The following RASIP1 variants were observed in gnomAD, a reference collection of about 807,000 sequenced individuals.
The protein encoded by RASIP1 is Ras interacting protein 1, also known as ras-interacting protein 1.
Under a neutral mutation model 85.3 loss-of-function variants are expected in RASIP1, and 20 were observed. That is an observed-to-expected ratio of 0.23 (90% CI 0.17 to 0.34). The LOEUF is 0.34. Ranked by LOEUF, RASIP1 falls within the 10% of genes least tolerant of loss-of-function variation. RASIP1 has a pLI of 1.00. For synonymous variants in RASIP1, 617 were observed against 647.1 expected, an observed-to-expected ratio of 0.95 and a Z score of 0.71; for missense variants, 1,170 against 1,390.9, an observed-to-expected ratio of 0.84 and a Z score of 2.53.
At chr19:48,730,891 A>G (rs1032204935) in intron 4 of RASIP1, among the ~76,000 whole-genome samples, 3 of 151,996 alleles carry the variant, frequency 2.0e-5, no homozygotes, top group Non-Finnish European at 4.4e-5. Flanking sequence ...GTGGCGCATG[A>G]CTGTAGTCCC....
intron 4 of RASIP1, among the ~76,000 whole-genome samples, chr19:48,731,367 G>C (rs62132778): frequency 0.11 from 16,412 of 150,740 alleles, 1,002 homozygotes; most frequent in East Asian, 0.2. Context: ...CTCCCCCAAC[G>C]GAGGATTTCA....
intron 4 of RASIP1, among the ~76,000 whole-genome samples, chr19:48,732,010 T>C (rs990127094): frequency 2.0e-5 from 3 of 152,160 alleles, no homozygotes; most frequent in African/African-American, 7.2e-5. Context: ...ATTCACCTGG[T>C]ATTCCTGCCT....
rs774287521 is a variant in RASIP1 at position 48,729,604 on chromosome 19, G to A, written c.1180-14C>T. Reference sequence around the variant, plus strand: ...CACCACAAAGTCCTGGAGGGGAAACGAGGATGCACTAAGGACATCACTTCA... The same window carrying A: ...CACCACAAAGTCCTGGAGGGGAAACAAGGATGCACTAAGGACATCACTTCA... On this transcript the variant is annotated splice_polypyrimidine_tract_variant and intron_variant, in intron 4 of 11. Transcript: ENST00000222145. 1.8e-4 allele frequency: 285 copies of A among 1,577,904 alleles called. No individual in the cohort carries two copies. The highest frequency in any genetic ancestry group is 2.3e-4 in the Non-Finnish European group (263 of 1,161,268).
At chr19:48,723,484 C>T (rs1235913752) in intron 10 of RASIP1, among the ~76,000 whole-genome samples, 8 of 144,260 alleles carry the variant, frequency 5.5e-5, no homozygotes, top group African/African-American at 1.8e-4. Context: ...CGCTTGAACT[C>T]GGGAGGCGGA....
rs763278538 is a variant in RASIP1, at chr19:48,724,469, T to C, written c.2412A>G (p.Gln804=). The part of the protein sequence containing the change: ...RPFYQWSRAV[Q]IRTNLDLVLD... ...AGACGAGGTCCAGGTTGGTTCGGAT[T>C]TGAACAGCTCGGGACCATTGATAGA... is the stretch of plus-strand genomic sequence containing the variant. The change falls in exon 10 of 12, where the codon CAA becomes CAG. Residue 804 remains glutamine, a synonymous_variant. Coordinates refer to ENST00000222145, the MANE Select transcript of RASIP1 (RefSeq NM_017805.3). The surrounding 1 kb of genome is among the most constrained non-coding windows in gnomAD (Gnocchi z 4.6). 20 of 1,614,028 alleles carry C rather than the reference T, an allele frequency of 1.2e-5. No homozygotes were observed. Among genetic ancestry groups the C allele is most frequent in the Non-Finnish European group, 1.7e-5 (20 of 1,180,024 alleles).
intron 10 of RASIP1, 111 bp from the exon 11 acceptor site, chr19:48,722,112 T>G: frequency 1.8e-6 from 2 of 1,090,116 alleles, no homozygotes; most frequent in Non-Finnish European, 2.5e-6. Flanking sequence ...ATGGCATCTC[T>G]GCAGTGTCTT....
intron 4 of RASIP1, among the ~76,000 whole-genome samples, chr19:48,733,163 T>G (rs1353657016): frequency 6.6e-6 from 1 of 152,198 alleles, no homozygotes; most frequent in African/African-American, 2.4e-5. Flanking sequence ...TAGCTGAGAC[T>G]ACAGATAGGT....
At chr19:48,722,040 G>A (rs939032244) in intron 10 of RASIP1, 39 bp from the exon 11 acceptor site, 6 of 1,358,900 alleles carry the variant, frequency 4.4e-6, no homozygotes, top group Non-Finnish European at 4.9e-6. Context: ...TGGTCATTAC[G>A]GGGCAGTTAA....
chr19:48,735,358 C>T lies in RASIP1; in HGVS notation c.1017G>A (p.Gln339=), dbSNP rs1462645101. ...ELSLQGRRRR[Q]QERRQQALSM... Reference sequence around the variant, plus strand: ...TAAGTGCCTGCTGTCTCCGCTCCTGCTGCCGCCGCCGCCGCCCCTGAAGGC... The same window carrying T: ...TAAGTGCCTGCTGTCTCCGCTCCTGTTGCCGCCGCCGCCGCCCCTGAAGGC... Residue 339 remains glutamine (Q), a synonymous_variant, in exon 4 of 12, where the codon CAG becomes CAA. Transcript: ENST00000222145. 1 of 1,612,690 alleles carries T rather than the reference C, an allele frequency of 6.2e-7. No individual in the cohort carries two copies. The highest frequency in any genetic ancestry group is 1.1e-5 in the South Asian group (1 of 91,052).
chr19:48,729,467 G>A lies in RASIP1; in HGVS notation c.1303C>T (p.Pro435Ser). 6.3e-7 allele frequency: 1 copy of A among 1,575,588 alleles called. No homozygotes were observed. Among genetic ancestry groups the A allele is most frequent in the African/African-American group, 1.4e-5 (1 of 74,046 alleles). The change falls in exon 5 of 12, where the codon CCG becomes TCG. Residue 435 changes from proline (P) to serine (S), a missense_variant. Coordinates refer to ENST00000222145, the MANE Select transcript of RASIP1 (RefSeq NM_017805.3). ...CCCGCGCGCACTGTGCAGTGACGCG[G>A]CAGGATGTCCGGGGCGTTGAGGAAG... ...DTFLNAPDIL[P>S]RHCTVRAGPE...
Position 48,738,889 on chromosome 19 carries a change from C to T in RASIP1, c.823+71G>A, listed in dbSNP as rs1429018491. The T allele has an allele frequency of 7.9e-6, 9 of 1,135,678 alleles. No homozygotes were observed. The highest frequency in any genetic ancestry group is 9.8e-6 in the Non-Finnish European group (9 of 916,610). 70.4% of individuals were successfully genotyped at this position (1,135,678 alleles called of 1,614,324 possible). A position where few individuals can be genotyped will look rare whatever the true frequency, so the allele number is the denominator to read the frequency against. The stretch of plus-strand genomic sequence containing the variant: ...AGCCCGCGAGTCCCACAAGCCCCGC[C>T]CAGGCCCCGCCCCACGGACCCCGCC... On this transcript the variant is annotated intron_variant, in intron 3 of 11. Transcript: ENST00000222145. This position sits in a 1 kb window ranked among gnomAD's most constrained non-coding sequence, Gnocchi z 4.0.
chr19:48,723,896 C>T (rs868850977), intron 10 of RASIP1, among the ~76,000 whole-genome samples: 1 of 151,828 alleles, frequency 6.6e-6, no homozygotes, highest in Non-Finnish European at 1.5e-5. Flanking sequence ...CAGCTTCTGC[C>T]TCCCAGGTTC....
intron 3 of RASIP1, chr19:48,737,564 G>T (rs567921268): frequency 1.0e-6 from 1 of 985,324 alleles, no homozygotes; most frequent in Admixed American, 6.1e-5. Context: ...CTTATCCAAG[G>T]CCGGCCCCTC....
Position 48,724,973 on chromosome 19 carries a change from A to G in RASIP1, c.2128-13T>C, listed in dbSNP as rs374850746. ...TTGAATAGAGAGTCTGAGAAAATAG[A>G]GAAGTGGAAACAAGTGATTGGACTA... On this transcript the variant is annotated splice_polypyrimidine_tract_variant and intron_variant, in intron 8 of 11. Transcript: ENST00000222145. The surrounding 1 kb of genome is among the most constrained non-coding windows in gnomAD (Gnocchi z 4.6). The G allele has an allele frequency of 5.6e-6, 9 of 1,606,870 alleles. No homozygotes were observed. The highest frequency in any genetic ancestry group is 3.3e-5 in the Admixed American group (2 of 59,816).
intron 3 of RASIP1, among the ~76,000 whole-genome samples, chr19:48,736,134 G>T (rs2033566480): frequency 1.3e-5 from 2 of 151,518 alleles, no homozygotes; most frequent in Non-Finnish European, 2.9e-5. Flanking sequence ...CAAGTATTTA[G>T]GCCGGGTGCG....
chr19:48,740,383 G>A lies in RASIP1; in HGVS notation c.-4-97C>T. 2 of 1,468,258 alleles carry A rather than the reference G, an allele frequency of 1.4e-6. No homozygotes were observed. Among genetic ancestry groups the A allele is most frequent in the South Asian group, 1.3e-5 (1 of 78,424 alleles). The allele number at this position is 1,468,258 out of a possible 1,614,324, so 91.0% of individuals were successfully genotyped here. ...CCGAGTCAGAGGGAGGAGGGGGCTG[G>A]GGCTCAGACTTGCGAGTCCAGGGGG... On this transcript the variant is annotated intron_variant, in intron 1 of 11. Coordinates refer to ENST00000222145, the MANE Select transcript of RASIP1 (RefSeq NM_017805.3). This position sits in a 1 kb window ranked among gnomAD's most constrained non-coding sequence, Gnocchi z 5.5.
chr19:48,734,489 TC>T lies in RASIP1; in HGVS notation c.1179+706del, dbSNP rs201866953. 7.9e-4 allele frequency among the ~76,000 whole-genome samples: 89 copies of T among 112,776 alleles called. 4 individuals are homozygous for T. Among genetic ancestry groups the T allele is most frequent in the African/African-American group, 2.2e-3 (69 of 30,918 alleles). 74.0% of individuals were successfully genotyped at this position (112,776 alleles called of 152,430 possible). On this transcript the variant is annotated intron_variant, in intron 4 of 11. Transcript: ENST00000222145. ...CCACCACGCCCGGCTTTTTTTTCTT[TC>T]TTTTTTTTTTTTTTTGAGACAGAGT...
chr19:48,728,853 G>A, intron 5 of RASIP1, 84 bp downstream of exon 5: 1 of 1,318,070 alleles, frequency 7.6e-7, no homozygotes, highest in Non-Finnish European at 9.8e-7. Context: ...GCCCAGCTAT[G>A]AAAAGGGTTG....
At chr19:48,734,153 G>A (rs1237843817) in intron 4 of RASIP1, among the ~76,000 whole-genome samples, 2 of 151,768 alleles carry the variant, frequency 1.3e-5, no homozygotes, top group African/African-American at 4.8e-5. Flanking sequence ...AAATTAGCTG[G>A]GCATGGTGGC....
Sources: gnomAD v4.1 joint callset for allele counts (sites outside exome capture counted in the v4.1 genomes callset) on GRCh38, gnomAD v4.1.1 for gene constraint, Gnocchi (gnomAD v3.1) non-coding constraint, MANE v1.5 for transcripts, NCBI Gene and HGNC (gene_info 2026-07-23, HGNC 2026-07-21) for gene names.